DPCD: variants seen among roughly 807,000 people sequenced by gnomAD.
DPCD encodes the protein protein DPCD.
In DPCD, 20 loss-of-function variants were observed where a neutral mutation model predicts 26.4. That is an observed-to-expected ratio of 0.76 (90% CI 0.53 to 1.10). DPCD has a LOEUF of 1.10. DPCD is among the 50% of genes least tolerant of loss of function. The pLI is 0.00. For synonymous variants in DPCD, 97 were observed against 94.2 expected (o/e 1.03, Z -0.17); for missense variants, 202 against 253.9 (o/e 0.80, Z 1.39).
At chr10:101,596,097 CTG>C (rs1366660373) in intron 2 of DPCD, among the ~76,000 whole-genome samples, 1 of 152,170 alleles carries the variant, frequency 6.6e-6, no homozygotes. Context: ...GGATATGAAA[CTG>C]AAATTAAAAA....
At chr10:101,606,174 T>G (rs2063731689) in intron 4 of DPCD, among the ~76,000 whole-genome samples, 1 of 152,204 alleles carries the variant, frequency 6.6e-6, no homozygotes, top group African/African-American at 2.4e-5. Flanking sequence ...CCTTGTTCCT[T>G]TTTTTGAGAT....
At chr10:101,594,118 GCAC>G (rs2063632501) in intron 1 of DPCD, among the ~76,000 whole-genome samples, 1 of 152,206 alleles carries the variant, frequency 6.6e-6, no homozygotes, top group African/African-American at 2.4e-5. Flanking sequence ...AGAAGGCAGG[GCAC>G]TGGCATGGCT....
At chr10:101,605,339 G>T in intron 4 of DPCD, 1 of 1,400,620 alleles carries the variant, frequency 7.1e-7, no homozygotes, top group Non-Finnish European at 9.5e-7. Context: ...GGATTGGGGA[G>T]GGGATACAGT....
Position 101,609,382 on chromosome 10 carries a change from G to T in DPCD, c.523G>T (p.Glu175Ter), listed in dbSNP as rs1166017021. 3 of 1,614,048 alleles carry T rather than the reference G, an allele frequency of 1.9e-6. No homozygotes were observed. The change falls in exon 6 of 6, where the codon GAG becomes TAG. Residue 175 changes from glutamate to a stop codon, truncating the protein, a stop_gained. Coordinates refer to ENST00000370151, the MANE Select transcript of DPCD (RefSeq NM_015448.3). LOFTEE classifies it high-confidence loss of function. ...TLIISYQKPKEVVVAESELQK... is the reference protein window; with the variant it reads ...TLIISYQKPK ...GCATCCACAGTACCAGAAGCCAAAG[G>T]AGGTTGTGGTGGCCGAGTCTGAGCT...
At position 101,603,208 on chromosome 10, in the gene DPCD, G is replaced by A. The variant is rs1282367260; in HGVS notation, c.404+1872G>A. Among the ~76,000 whole-genome samples, 6 of 152,282 alleles carry A rather than the reference G, an allele frequency of 3.9e-5. No homozygotes were observed. In the East Asian group the frequency reaches 1.2e-3, roughly 29 times the overall value. ...GCCTGGCTCATCCCTGCCCTCCTCAGGTCTCTCTGTTGGGAGGTAACCTAG... is the reference window on the plus strand; with the variant it reads ...GCCTGGCTCATCCCTGCCCTCCTCAAGTCTCTCTGTTGGGAGGTAACCTAG... On this transcript the variant is annotated intron_variant, in intron 4 of 5. Coordinates refer to ENST00000370151, the MANE Select transcript of DPCD (RefSeq NM_015448.3). The surrounding 1 kb of genome is among the most constrained non-coding windows in gnomAD (Gnocchi z 4.6).
chr10:101,602,005 A>T (rs1346242034), intron 4 of DPCD, among the ~76,000 whole-genome samples: 1 of 152,226 alleles, frequency 6.6e-6, no homozygotes, highest in Admixed American at 6.5e-5. Flanking sequence ...TTGGAAATGC[A>T]TTGATCTCAT....
intron 5 of DPCD, 47 bp from the exon 6 acceptor site, chr10:101,609,320 A>T (rs2063757209): frequency 6.3e-7 from 1 of 1,591,864 alleles, no homozygotes; most frequent in East Asian, 2.2e-5. Flanking sequence ...GTGGAAGGAG[A>T]TGGGACAGTG....
intron 4 of DPCD, 52 bp from the exon 5 acceptor site, chr10:101,608,783 G>A: frequency 7.8e-7 from 1 of 1,282,126 alleles, no homozygotes; most frequent in Non-Finnish European, 1.1e-6. Context: ...CTGACGCCTG[G>A]CTGTTGGGTC....
At chr10:101,590,650 C>T (rs2063600769) in intron 1 of DPCD, among the ~76,000 whole-genome samples, 1 of 149,650 alleles carries the variant, frequency 6.7e-6, no homozygotes, top group African/African-American at 2.5e-5. Flanking sequence ...ACGATCATAG[C>T]TCACTGCAGC....
Position 101,594,638 on chromosome 10 carries a change from A to T in DPCD, c.65-20A>T, listed in dbSNP as rs1489327937. ...GCAAGGGGAGACTTTGAGGTAAGGCATTCTCTGTTTTGTGCATAGGGAGAA... is the reference window on the plus strand; with the variant it reads ...GCAAGGGGAGACTTTGAGGTAAGGCTTTCTCTGTTTTGTGCATAGGGAGAA... On this transcript the variant is annotated intron_variant, in intron 1 of 5. Coordinates refer to ENST00000370151, the MANE Select transcript of DPCD (RefSeq NM_015448.3). The T allele has an allele frequency of 6.2e-7, 1 of 1,612,980 alleles. No homozygotes were observed. Among genetic ancestry groups the T allele is most frequent in the East Asian group, 2.2e-5 (1 of 44,896 alleles).
Position 101,608,895 on chromosome 10 carries a change from C to T in DPCD, c.465C>T (p.Ala155=). ...GACACCAGCTACCTCTGGATGACGC[C>T]TTGCTGAGCTTTGCCCACGCCAACT... is the stretch of plus-strand genomic sequence containing the variant. The part of the protein sequence containing the change: ...LDRHQLPLDD[A]LLSFAHANCT... The change falls in exon 5 of 6, where the codon GCC becomes GCT. Residue 155 remains alanine, a synonymous_variant. Coordinates refer to ENST00000370151, the MANE Select transcript of DPCD (RefSeq NM_015448.3). The T allele has an allele frequency of 1.9e-6, 3 of 1,613,860 alleles. No individual in the cohort carries two copies. The highest frequency in any genetic ancestry group is 1.7e-5 in the Admixed American group (1 of 60,012).
chr10:101,600,634 T>C lies in DPCD; in HGVS notation c.146-104T>C. On this transcript the variant is annotated intron_variant, in intron 2 of 5. Coordinates refer to ENST00000370151, the MANE Select transcript of DPCD (RefSeq NM_015448.3). The surrounding 1 kb of genome is among the most constrained non-coding windows in gnomAD (Gnocchi z 4.7). The stretch of plus-strand genomic sequence containing the variant: ...CACTCCCACTTTCATCTTGTGCTAG[T>C]TACCTAGTGTGGTGCCGGTGATTCA... 6.7e-7 allele frequency: 1 copy of C among 1,484,068 alleles called. No individual in the cohort carries two copies. The highest frequency in any genetic ancestry group is 2.3e-5 in the Admixed American group (1 of 43,638). 91.9% of individuals were successfully genotyped at this position (1,484,068 alleles called of 1,614,324 possible).
At chr10:101,594,616 A>G (rs2063636235) in intron 1 of DPCD, 42 bp from the exon 2 acceptor site, 1 of 1,599,070 alleles carries the variant, frequency 6.3e-7, no homozygotes, top group African/African-American at 1.3e-5. Context: ...GGACAGGGCA[A>G]GGGGAGACTT....
chr10:101,601,054 A>G (rs751366616), intron 3 of DPCD, 149 bp from the exon 4 acceptor site: 86 of 1,444,464 alleles, frequency 6.0e-5, no homozygotes, highest in East Asian at 1.2e-4. Context: ...GCGGGGGCTC[A>G]GGGCCTGGAG....
chr10:101,600,971 G>A lies in DPCD; in HGVS notation c.270+109G>A. The A allele has an allele frequency of 2.0e-6, 3 of 1,537,522 alleles. No individual in the cohort carries two copies. The highest frequency in any genetic ancestry group is 2.6e-6 in the Non-Finnish European group (3 of 1,135,834). ...TCTTGTTCACCTCCTCGCCTCCAGT[G>A]TGCCACCTGGACACAGCACTCTATA... On this transcript the variant is annotated intron_variant, in intron 3 of 5. Transcript: ENST00000370151. The surrounding 1 kb of genome is among the most constrained non-coding windows in gnomAD (Gnocchi z 4.7).
chr10:101,596,965 C>T (rs1169331940), intron 2 of DPCD, among the ~76,000 whole-genome samples: 4 of 152,130 alleles, frequency 2.6e-5, no homozygotes, highest in Non-Finnish European at 2.9e-5. Context: ...TTCCTCCCGT[C>T]GGTGTTAATA....
intron 2 of DPCD, among the ~76,000 whole-genome samples, chr10:101,595,615 C>T (rs544135077): frequency 3.9e-5 from 6 of 152,298 alleles, no homozygotes; most frequent in Non-Finnish European, 5.9e-5. Flanking sequence ...TCATAAATGT[C>T]TAGAACCGAC....
At chr10:101,601,169 G>A in intron 3 of DPCD, 34 bp from the exon 4 acceptor site, 17 of 1,612,780 alleles carry the variant, frequency 1.1e-5, no homozygotes, top group Non-Finnish European at 1.4e-5. Flanking sequence ...CCCTTCCCCA[G>A]GAACAGTCCT....
chr10:101,600,597 G>GT lies in DPCD; in HGVS notation c.146-140dup. 8 of 1,300,626 alleles carry GT rather than the reference G, an allele frequency of 6.2e-6. No individual in the cohort carries two copies. Among genetic ancestry groups the GT allele is most frequent in the Non-Finnish European group, 8.4e-6 (8 of 957,584 alleles). 80.6% of individuals were successfully genotyped at this position (1,300,626 alleles called of 1,614,324 possible). On this transcript the variant is annotated intron_variant, in intron 2 of 5. Coordinates refer to ENST00000370151, the MANE Select transcript of DPCD (RefSeq NM_015448.3). This position sits in a 1 kb window ranked among gnomAD's most constrained non-coding sequence, Gnocchi z 4.7. ...CCTCCTTAGATTAACAAAGCTGAGA[G>GT]TAAAGGCCCAACACTCCCACTTTCA...
Sources: gnomAD v4.1 joint callset for allele counts (sites outside exome capture counted in the v4.1 genomes callset) on GRCh38, gnomAD v4.1.1 for gene constraint, Gnocchi (gnomAD v3.1) non-coding constraint, MANE v1.5 for transcripts, NCBI Gene and HGNC (gene_info 2026-07-23, HGNC 2026-07-21) for gene names.